CHST15: variants seen among roughly 807,000 people sequenced by gnomAD.
The protein encoded by CHST15 is B cell RAG associated protein (GALNAC4S-6ST).
CHST15 carries 30 observed loss-of-function variants against 53.6 expected under a neutral mutation model. That is an observed-to-expected ratio of 0.56 (90% CI 0.42 to 0.76). CHST15 has a LOEUF of 0.76. Among genes scored for constraint, CHST15 ranks in the 30% least tolerant of loss-of-function variants. The probability of loss-of-function intolerance (pLI) is 0.00; values close to 1 mark genes in which losing one functional copy is unlikely to be tolerated. For synonymous variants in CHST15, 296 were observed against 289.8 expected (o/e 1.02, Z -0.22); for missense variants, 627 against 740.5 (o/e 0.85, Z 1.78).
chr10:124,010,275 G>C lies in CHST15; in HGVS notation c.1560C>G (p.Pro520=). 1 of 1,613,688 alleles carries C rather than the reference G, an allele frequency of 6.2e-7. No homozygotes were observed. The highest frequency in any genetic ancestry group is 1.1e-5 in the South Asian group (1 of 91,002). Residue 520 remains proline (P), a synonymous_variant, in exon 8 of 8, where the codon CCC becomes CCG. Coordinates refer to ENST00000435907, the MANE Select transcript of CHST15 (RefSeq NM_001270764.2). ...TKSPASNARR[P]EDRNLGPMWP... ...ACATGGGCCCCAGGTTCCGGTCCTC[G>C]GGACGCCGTGCATTGGATGCGGGGC...
chr10:124,020,838 T>A, intron 6 of CHST15: 1 of 1,222,162 alleles, frequency 8.2e-7, no homozygotes, highest in Non-Finnish European at 1.0e-6. Context: ...ATTGAGACTC[T>A]GTCAAAGAAG....
chr10:124,032,469 C>T (rs755827820), intron 5 of CHST15, among the ~76,000 whole-genome samples: 4 of 152,172 alleles, frequency 2.6e-5, no homozygotes, highest in African/African-American at 7.2e-5. Flanking sequence ...GCACCTTCCA[C>T]GCATTTTTCA....
At chr10:124,017,964 A>C (rs1019987941) in intron 6 of CHST15, among the ~76,000 whole-genome samples, 31 of 152,244 alleles carry the variant, frequency 2.0e-4, no homozygotes, top group African/African-American at 7.0e-4. Flanking sequence ...GGAGCCAGGC[A>C]AACTGGGTCA....
rs751433124 is a variant in CHST15 at position 124,012,284 on chromosome 10, T to C, written c.1495+49A>G. On this transcript the variant is annotated intron_variant, in intron 7 of 7. Transcript: ENST00000435907. ...TGCCCCAGAGGACTCCCAGAACAAG[T>C]CCACGGAGCTCATGCTTTGGCCCGT... is the stretch of plus-strand genomic sequence containing the variant. 4 of 1,581,424 alleles carry C rather than the reference T, an allele frequency of 2.5e-6. No homozygotes were observed. The South Asian group carries it at 3.5e-5, about 14-fold the overall frequency.
chr10:124,022,354 G>A (rs995770743), intron 5 of CHST15, among the ~76,000 whole-genome samples: 4 of 152,278 alleles, frequency 2.6e-5, no homozygotes, highest in South Asian at 4.1e-4. Context: ...CCAGTCAGAC[G>A]TCCCCTTTGC....
At chr10:124,012,193 C>T in intron 7 of CHST15, 140 bp downstream of exon 7, 1 of 873,976 alleles carries the variant, frequency 1.1e-6, no homozygotes. Context: ...CTTAACAGGC[C>T]TCCTGAAGGA....
At position 124,008,668 on chromosome 10, in the gene CHST15, C is replaced by T. The variant is rs1309441137; in HGVS notation, c.*1481G>A. The T allele has an allele frequency of 5.0e-5, 52 of 1,049,206 alleles. No homozygotes were observed. Among genetic ancestry groups the T allele is most frequent in the Non-Finnish European group, 5.6e-5 (48 of 864,094 alleles). The allele number at this position is 1,049,206 out of a possible 1,614,324, so 65.0% of individuals were successfully genotyped here. ...ACTGCAGATCCTCCTACCCCCGAAG[C>T]CTGGTCTGTCTCACACATACAAGTT... is the stretch of plus-strand genomic sequence containing the variant. On this transcript the variant is annotated 3_prime_UTR_variant, in exon 8 of 8. Coordinates refer to ENST00000435907, the MANE Select transcript of CHST15 (RefSeq NM_001270764.2).
chr10:124,080,078 T>G (rs1461108537), intron 1 of CHST15, among the ~76,000 whole-genome samples: 1 of 152,160 alleles, frequency 6.6e-6, no homozygotes, highest in Non-Finnish European at 1.5e-5. Context: ...TTTTGCTTTG[T>G]TTTTTGCTAG....
At chr10:124,085,314 T>C (rs978208744) in intron 1 of CHST15, among the ~76,000 whole-genome samples, 42 of 152,232 alleles carry the variant, frequency 2.8e-4, no homozygotes, top group African/African-American at 5.5e-4. Context: ...CTTATATTCC[T>C]GAAACAACAA....
intron 7 of CHST15, chr10:124,011,759 C>T: frequency 1.0e-6 from 1 of 985,408 alleles, no homozygotes; most frequent in South Asian, 4.7e-5. Flanking sequence ...CCCCAGGGGC[C>T]CAGCATCCAT....
chr10:124,011,628 G>A (rs1466186069), intron 7 of CHST15: 23 of 985,312 alleles, frequency 2.3e-5, no homozygotes, highest in South Asian at 4.7e-5. Flanking sequence ...GGCAGCACTC[G>A]CTCCGCCAGC....
chr10:124,010,834 G>A, intron 7 of CHST15: 3 of 985,480 alleles, frequency 3.0e-6, no homozygotes, highest in Non-Finnish European at 3.6e-6. Context: ...GTCTTGCTGT[G>A]AAGTGGCCAT....
rs1265696690 is a variant in CHST15 at position 124,038,604 on chromosome 10, A to C, written c.1101T>G (p.Asp367Glu). The change falls in exon 5 of 8, where the codon GAT becomes GAG. Residue 367 changes from aspartate (D) to glutamate (E), a missense_variant. Asp to Glu is a conservative substitution (Grantham distance 45). Transcript: ENST00000435907. ...CCTGCGTCAGAAACGGTGGCTCGCCATCCGTGCTGTTGTCGTAGAAGAACG... is the reference window on the plus strand; with the variant it reads ...CCTGCGTCAGAAACGGTGGCTCGCCCTCCGTGCTGTTGTCGTAGAAGAACG... ...AWTFFYDNST[D>E]GEPPFLTQDF... The C allele has an allele frequency of 6.2e-7, 1 of 1,614,140 alleles. No homozygotes were observed. Among genetic ancestry groups the C allele is most frequent in the South Asian group, 1.1e-5 (1 of 91,090 alleles).
At chr10:124,052,501 A>G (rs759795005) in intron 1 of CHST15, among the ~76,000 whole-genome samples, 13 of 152,196 alleles carry the variant, frequency 8.5e-5, no homozygotes, top group Non-Finnish European at 1.8e-4. Flanking sequence ...TGGACAAATC[A>G]CTTAAGGTTT....
chr10:124,011,115 G>A, intron 7 of CHST15: 13 of 978,934 alleles, frequency 1.3e-5, no homozygotes, highest in Non-Finnish European at 1.6e-5. Context: ...TGGAGTGAGA[G>A]GCCCTGAAAC....
In CHST15 at chr10:124,038,668, T is replaced by C; in HGVS notation, c.1037A>G (p.Glu346Gly). 1 of 1,613,904 alleles carries C rather than the reference T, an allele frequency of 6.2e-7. No homozygotes were observed. Among genetic ancestry groups the C allele is most frequent in the Non-Finnish European group, 8.5e-7 (1 of 1,179,876 alleles). Residue 346 changes from glutamate (E) to glycine (G), a missense_variant, in exon 5 of 8, where the codon GAG (glutamate) becomes GGG (glycine). Coordinates refer to ENST00000435907, the MANE Select transcript of CHST15 (RefSeq NM_001270764.2). ...QSKMNTIIIG[E>G]ASASTMWDNN... ...ATCCCACATCGTGGAGGCACTGGCC[T>C]CCCCTGGAAACAGAAAACACTCCAA...
At chr10:124,076,618 G>C (rs892882899) in intron 1 of CHST15, among the ~76,000 whole-genome samples, 3 of 152,202 alleles carry the variant, frequency 2.0e-5, no homozygotes, top group Non-Finnish European at 4.4e-5. Context: ...AACTCCAAGG[G>C]CGTGGACCCA....
rs1353789953 is a variant in CHST15 at position 124,019,163 on chromosome 10, G to A, written c.1347+2093C>T. 2.0e-5 allele frequency among the ~76,000 whole-genome samples: 3 copies of A among 152,130 alleles called. No individual in the cohort carries two copies. Among genetic ancestry groups the A allele is most frequent in the Admixed American group, 1.3e-4 (2 of 15,272 alleles). On this transcript the variant is annotated intron_variant, in intron 6 of 7. Transcript: ENST00000435907. The surrounding 1 kb of genome is among the most constrained non-coding windows in gnomAD (Gnocchi z 4.6). ...CTGAGTCACAGCTGCAACTTGATTC[G>A]TGTCTGTCAGCACACTGGGCACCCC...
intron 1 of CHST15, among the ~76,000 whole-genome samples, chr10:124,085,414 G>A (rs187952169): frequency 2.0e-5 from 3 of 152,288 alleles, no homozygotes; most frequent in Admixed American, 1.3e-4. Flanking sequence ...CTAATGCCAG[G>A]AAATCCAAGG....
Sources: gnomAD v4.1 joint callset for allele counts (sites outside exome capture counted in the v4.1 genomes callset) on GRCh38, gnomAD v4.1.1 for gene constraint, Gnocchi (gnomAD v3.1) non-coding constraint, MANE v1.5 for transcripts, NCBI Gene and HGNC (gene_info 2026-07-23, HGNC 2026-07-21) for gene names.